Variants in RGS8 observed in about 807,000 individuals in gnomAD.
The protein encoded by RGS8 is regulator of G protein signaling 8.
In RGS8, 8 loss-of-function variants were observed where a neutral mutation model predicts 21.7. The ratio of observed to expected loss-of-function variants is 0.37; its 90% CI spans 0.22 to 0.66. The LOEUF is 0.66. RGS8 is among the 30% of genes least tolerant of loss of function. The pLI, the probability that RGS8 is intolerant of heterozygous loss-of-function variation, is 0.59. For synonymous variants in RGS8, 80 were observed against 83.6 expected (o/e 0.96, Z 0.24); for missense variants, 157 against 217.9 (o/e 0.72, Z 1.76).
At chr1:182,722,568 G>A in the RGS8 span, among the ~76,000 whole-genome samples, 1 of 152,144 alleles carries the variant, frequency 6.6e-6, no homozygotes, top group East Asian at 1.9e-4. Flanking sequence ...TATGCGTCTG[G>A]TGGCTCCCAG....
the RGS8 span, among the ~76,000 whole-genome samples, chr1:182,693,997 A>C: frequency 1.3e-5 from 2 of 152,152 alleles, no homozygotes; most frequent in Non-Finnish European, 2.9e-5. Context: ...GAGAGTGAGG[A>C]TAGTATCCAG....
the RGS8 span, among the ~76,000 whole-genome samples, chr1:182,732,404 TAA>T: frequency 6.6e-6 from 1 of 152,066 alleles, no homozygotes; most frequent in South Asian, 2.1e-4. Context: ...TAAGTCTAAA[TAA>T]ATATTTGTTA....
chr1:182,669,633 A>G, exon 3 of RGS8: 1 of 1,614,244 alleles, frequency 6.2e-7, no homozygotes, highest in Non-Finnish European at 8.5e-7. Context: ...CCTGCGTGGC[A>G]TCAGTAAGGC....
At chr1:182,698,311 G>T in the RGS8 span, among the ~76,000 whole-genome samples, 1 of 152,206 alleles carries the variant, frequency 6.6e-6, no homozygotes, top group African/African-American at 2.4e-5. Flanking sequence ...TAGTTAAGCA[G>T]GCAGGCTCTA....
the RGS8 span, among the ~76,000 whole-genome samples, chr1:182,724,201 G>GAT: frequency 0.016 from 663 of 41,882 alleles, 18 homozygotes; most frequent in East Asian, 0.022. Context: ...GGCTAGACTG[G>GAT]ATATATATAT....
At chr1:182,671,327 G>T (rs963378495) in intron 2 of RGS8, among the ~76,000 whole-genome samples, 1 of 152,148 alleles carries the variant, frequency 6.6e-6, no homozygotes, top group Non-Finnish European at 1.5e-5. Flanking sequence ...TTTGGCCCTG[G>T]ACTTCTGAGA....
At chr1:182,696,509 C>G in the RGS8 span, among the ~76,000 whole-genome samples, 2 of 152,082 alleles carry the variant, frequency 1.3e-5, no homozygotes, top group Non-Finnish European at 2.9e-5. Flanking sequence ...AGGCACCCAC[C>G]ACCACACCTG....
At chr1:182,658,576 T>C (rs1398720506) in intron 5 of RGS8, 2 of 152,252 alleles carry the variant, frequency 1.3e-5, no homozygotes, top group African/African-American at 4.8e-5. Context: ...CTAATAGTGA[T>C]GCCAAAACTT....
the RGS8 span, among the ~76,000 whole-genome samples, chr1:182,749,768 T>C: frequency 4.6e-4 from 70 of 152,346 alleles, no homozygotes; most frequent in Non-Finnish European, 6.3e-4. Context: ...GTGCAGAACA[T>C]GCAGGTTTGT....
At chr1:182,702,888 A>T in the RGS8 span, among the ~76,000 whole-genome samples, 1 of 152,218 alleles carries the variant, frequency 6.6e-6, no homozygotes, top group African/African-American at 2.4e-5. Flanking sequence ...CAGCCCATCT[A>T]ACTGCAAACA....
the RGS8 span, among the ~76,000 whole-genome samples, chr1:182,744,743 C>T: frequency 2.4e-4 from 37 of 152,272 alleles, 1 homozygote; most frequent in South Asian, 2.5e-3. Context: ...TTGTTTCACA[C>T]GAGAACGAAA....
chr1:182,692,243 T>A, the RGS8 span, among the ~76,000 whole-genome samples: 2 of 152,172 alleles, frequency 1.3e-5, no homozygotes, highest in Non-Finnish European at 2.9e-5. Context: ...GACCTCGTGA[T>A]CTGCCCACCT....
upstream of RGS8, chr1:182,672,091 T>G: frequency 3.5e-6 from 1 of 284,298 alleles, no homozygotes; most frequent in Non-Finnish European, 6.5e-6. Flanking sequence ...CACAGCTGCC[T>G]CCCTCTGCAC....
the RGS8 span, among the ~76,000 whole-genome samples, chr1:182,691,888 A>G: frequency 6.6e-6 from 1 of 152,172 alleles, no homozygotes; most frequent in African/African-American, 2.4e-5. Flanking sequence ...TTCACAGACA[A>G]TATAATACTA....
the RGS8 span, among the ~76,000 whole-genome samples, chr1:182,705,056 T>C: frequency 1.3e-5 from 2 of 152,210 alleles, no homozygotes; most frequent in South Asian, 2.1e-4. Flanking sequence ...ATTCTTACTC[T>C]GTATCACAGT....
chr1:182,664,145 T>C (rs1261471930), intron 5 of RGS8, among the ~76,000 whole-genome samples: 1 of 152,206 alleles, frequency 6.6e-6, no homozygotes, highest in Non-Finnish European at 1.5e-5. Flanking sequence ...GCAATCTAAA[T>C]ATATCCTAAG....
intron 5 of RGS8, among the ~76,000 whole-genome samples, chr1:182,662,957 G>C (rs758258495): frequency 3.4e-4 from 51 of 152,024 alleles, no homozygotes; most frequent in Non-Finnish European, 6.6e-4. Flanking sequence ...GAATGGGGAG[G>C]GGGGGAAATA....
chr1:182,751,055 T>C, the RGS8 span, among the ~76,000 whole-genome samples: 1 of 152,168 alleles, frequency 6.6e-6, no homozygotes, highest in Admixed American at 6.5e-5. Context: ...ACAGAGGGAA[T>C]GTCATGAAAA....
chr1:182,676,109 AAACT>A (rs764778496), upstream of RGS8, among the ~76,000 whole-genome samples: 82 of 152,246 alleles, frequency 5.4e-4, no homozygotes, highest in Non-Finnish European at 1.0e-3. Flanking sequence ...AGGCATTTGC[AAACT>A]AACCCAATAG....
Sources: allele counts gnomAD v4.1 joint callset (sites outside exome capture counted in the v4.1 genomes callset), GRCh38; gene constraint gnomAD v4.1.1; transcripts MANE v1.5; gene names NCBI Gene and HGNC (gene_info 2026-07-23, HGNC 2026-07-21).